TENM2: variants seen among roughly 807,000 people sequenced by gnomAD.
The protein encoded by TENM2 is teneurin transmembrane protein 2.
Under a neutral mutation model 245.2 loss-of-function variants are expected in TENM2, and 52 were observed. The observed-to-expected ratio is 0.21, with a 90% CI of 0.17 to 0.27. The LOEUF is 0.27. Among genes scored for constraint, TENM2 ranks in the 10% least tolerant of loss-of-function variants. The pLI is 1.00. For synonymous variants in TENM2, 1,363 were observed against 1,438.9 expected, an observed-to-expected ratio of 0.95 and a Z score of 1.19; for missense variants, 3,046 against 3,666.8, an observed-to-expected ratio of 0.83 and a Z score of 4.37.
At chr5:167,401,352 G>A (rs1017575081) in intron 2 of TENM2, among the ~76,000 whole-genome samples, 1 of 152,094 alleles carries the variant, frequency 6.6e-6, no homozygotes, top group Non-Finnish European at 1.5e-5. Context: ...TCCAGGGCAA[G>A]GATGCTTATG....
chr5:168,166,188 G>A (rs190428010), intron 13 of TENM2, among the ~76,000 whole-genome samples: 8 of 152,258 alleles, frequency 5.3e-5, no homozygotes, highest in African/African-American at 9.6e-5. Flanking sequence ...AAACCTGGCA[G>A]TGGGTCAGAG....
intron 1 of TENM2, among the ~76,000 whole-genome samples, chr5:167,347,105 A>T (rs186004385): frequency 1.9e-4 from 29 of 151,872 alleles, no homozygotes; most frequent in African/African-American, 6.8e-4. Flanking sequence ...GAAAAGCCAG[A>T]TCATACCTGT....
the TENM2 span, among the ~76,000 whole-genome samples, chr5:166,994,155 G>A: frequency 2.6e-5 from 4 of 152,178 alleles, no homozygotes; most frequent in Admixed American, 1.3e-4. Context: ...TTTATCACTC[G>A]CTTCCAGATC....
intron 2 of TENM2, among the ~76,000 whole-genome samples, chr5:167,457,993 AT>A (rs1228413832): frequency 1.3e-5 from 2 of 151,648 alleles, no homozygotes; most frequent in Admixed American, 6.6e-5. Context: ...AGGCAACTTG[AT>A]TTTTTTTTAA....
chr5:167,537,250 CAAAAA>C (rs386405596), intron 2 of TENM2, among the ~76,000 whole-genome samples: 1 of 108,722 alleles, frequency 9.2e-6, no homozygotes. Flanking sequence ...CCATCTCTAC[CAAAAA>C]AAAAAAAAAA....
intron 4 of TENM2, chr5:167,965,078 G>T (rs1285101017): frequency 6.6e-6 from 1 of 152,146 alleles, no homozygotes; most frequent in Non-Finnish European, 1.5e-5. Flanking sequence ...TTAGGGAGTG[G>T]TGCTGAATAT....
intron 8 of TENM2, among the ~76,000 whole-genome samples, chr5:168,091,617 A>G (rs1792946337): frequency 6.6e-6 from 1 of 151,732 alleles, no homozygotes; most frequent in African/African-American, 2.4e-5. Flanking sequence ...ATCAGGGAAG[A>G]TTATTAGACC....
exon 16 of TENM2, chr5:168,199,034 G>A (rs1357070954): frequency 1.9e-6 from 3 of 1,613,964 alleles, no homozygotes; most frequent in South Asian, 2.2e-5. Context: ...TGTCCGGCCT[G>A]ATCCAATCAT....
the TENM2 span, among the ~76,000 whole-genome samples, chr5:167,181,128 A>G: frequency 8.5e-5 from 13 of 152,096 alleles, no homozygotes; most frequent in African/African-American, 3.1e-4. Context: ...ACCATGGTAT[A>G]TACTTGCGCA....
At chr5:167,985,131 A>G (rs1452532461) in intron 4 of TENM2, among the ~76,000 whole-genome samples, 11 of 152,228 alleles carry the variant, frequency 7.2e-5, no homozygotes, top group Non-Finnish European at 1.5e-5. Context: ...GTGCATGGCC[A>G]GAACCAGTGA....
At chr5:168,204,228 C>A in intron 18 of TENM2, 144 bp from the exon 21 acceptor site, 1 of 862,342 alleles carries the variant, frequency 1.2e-6, no homozygotes, top group South Asian at 1.9e-5. Context: ...CCCACTGCAG[C>A]TCTCTCCACA....
chr5:166,988,512 T>C, the TENM2 span, among the ~76,000 whole-genome samples: 3 of 152,244 alleles, frequency 2.0e-5, no homozygotes, highest in African/African-American at 7.2e-5. Context: ...CAATAATTTA[T>C]AGAATTAACC....
intron 2 of TENM2, among the ~76,000 whole-genome samples, chr5:167,638,300 A>G (rs1254471813): frequency 6.6e-6 from 1 of 152,244 alleles, no homozygotes; most frequent in East Asian, 1.9e-4. Context: ...AAGGAGCTTT[A>G]GGAACAAAGG....
intron 2 of TENM2, among the ~76,000 whole-genome samples, chr5:167,680,009 C>G (rs975527678): frequency 5.9e-5 from 9 of 152,012 alleles, no homozygotes; most frequent in African/African-American, 1.4e-4. Flanking sequence ...TCTGCATTAC[C>G]TTCTCTTTTC....
intron 2 of TENM2, among the ~76,000 whole-genome samples, chr5:167,738,486 T>C (rs986467878): frequency 2.0e-5 from 3 of 152,214 alleles, no homozygotes; most frequent in Non-Finnish European, 2.9e-5. Context: ...GTAATTCTTA[T>C]GCAGGCACTG....
intron 2 of TENM2, among the ~76,000 whole-genome samples, chr5:167,811,772 C>T (rs193022836): frequency 3.9e-5 from 6 of 152,188 alleles, no homozygotes; most frequent in Admixed American, 3.3e-4. Context: ...ACCAGCTTGG[C>T]GTTCCAGTAA....
chr5:167,708,847 T>C (rs1053786596), intron 2 of TENM2, among the ~76,000 whole-genome samples: 9 of 152,150 alleles, frequency 5.9e-5, no homozygotes, highest in African/African-American at 1.7e-4. Context: ...TAAAGCACAA[T>C]GGGAGTATAT....
At chr5:168,060,507 G>A (rs1421281486) in intron 6 of TENM2, among the ~76,000 whole-genome samples, 1 of 152,200 alleles carries the variant, frequency 6.6e-6, no homozygotes, top group East Asian at 1.9e-4. Flanking sequence ...AGGACTTCTG[G>A]CTGTTTATTT....
chr5:167,600,129 C>T (rs1181617034), intron 2 of TENM2, among the ~76,000 whole-genome samples: 1 of 30,864 alleles, frequency 3.2e-5, no homozygotes, highest in Admixed American at 2.6e-4. Context: ...AAAAAGTCTT[C>T]CCAAGGCTAT....
Sources: gnomAD v4.1 joint callset for allele counts (sites outside exome capture counted in the v4.1 genomes callset) on GRCh38, gnomAD v4.1.1 for gene constraint, MANE v1.5 for transcripts, NCBI Gene and HGNC (gene_info 2026-07-23, HGNC 2026-07-21) for gene names.